Variants in STARD13 observed in about 807,000 individuals in gnomAD.
STARD13 encodes StAR related lipid transfer domain containing 13.
STARD13 carries 62 observed loss-of-function variants against 106.4 expected under a neutral mutation model. The observed-to-expected ratio is 0.58, with a 90% CI of 0.48 to 0.72. STARD13 has a LOEUF of 0.72. STARD13 is among the 30% of genes least tolerant of loss of function. STARD13 has a pLI of 0.00. For synonymous variants in STARD13, 565 were observed against 553.0 expected (o/e 1.02, Z -0.31); for missense variants, 1,387 against 1,424.0 (o/e 0.97, Z 0.42).
intron 1 of STARD13, among the ~76,000 whole-genome samples, chr13:33,300,299 G>C (rs545077005): frequency 6.6e-6 from 1 of 152,288 alleles, no homozygotes; most frequent in African/African-American, 2.4e-5. Context: ...TGCAGGTTTT[G>C]ACCAAAAATA....
chr13:33,645,342 C>T, the STARD13 span, among the ~76,000 whole-genome samples: 1 of 152,164 alleles, frequency 6.6e-6, no homozygotes, highest in Non-Finnish European at 1.5e-5. Flanking sequence ...ATCAGTGAGG[C>T]CATCTTAGAC....
At chr13:33,366,058 G>T in the STARD13 span, among the ~76,000 whole-genome samples, 1 of 151,214 alleles carries the variant, frequency 6.6e-6, no homozygotes, top group African/African-American at 2.4e-5. The surrounding 1 kb of genome is among the most constrained non-coding windows in gnomAD (Gnocchi z 4.2). Flanking sequence ...CACTAAAAGT[G>T]ATATATATAT....
chr13:33,522,766 C>T, the STARD13 span, among the ~76,000 whole-genome samples: 4 of 152,160 alleles, frequency 2.6e-5, no homozygotes. Context: ...ACTGGTTTTG[C>T]CCCCTTGGGC....
At chr13:33,672,417 A>G in the STARD13 span, among the ~76,000 whole-genome samples, 5 of 152,174 alleles carry the variant, frequency 3.3e-5, no homozygotes, top group Admixed American at 1.3e-4. Context: ...TAATGCATGC[A>G]GGGCTTAAAA....
chr13:33,241,724 T>G (rs1425959247), intron 1 of STARD13, among the ~76,000 whole-genome samples: 1 of 152,020 alleles, frequency 6.6e-6, no homozygotes, highest in Non-Finnish European at 1.5e-5. Context: ...TATTTTTTGG[T>G]GGAGATGGGG....
chr13:33,353,508 C>G (rs887902004), upstream of STARD13, among the ~76,000 whole-genome samples: 2 of 152,172 alleles, frequency 1.3e-5, no homozygotes, highest in Non-Finnish European at 2.9e-5. Flanking sequence ...TAAGGCCTGA[C>G]AGGCTATAGA....
At chr13:33,669,625 G>A in the STARD13 span, among the ~76,000 whole-genome samples, 1,377 of 142,862 alleles carry the variant, frequency 9.6e-3, 25 homozygotes, top group African/African-American at 0.035. Flanking sequence ...AACCTCTGCC[G>A]CCTGGGTTCA....
At chr13:33,347,929 T>A (rs1411679866), downstream of STARD13, among the ~76,000 whole-genome samples, 1 of 152,236 alleles carries the variant, frequency 6.6e-6, no homozygotes, top group Non-Finnish European at 1.5e-5. Flanking sequence ...TTTCAGTGTC[T>A]CATGGCCAAA....
intron 4 of STARD13, among the ~76,000 whole-genome samples, chr13:33,135,951 A>G (rs1878995408): frequency 6.6e-6 from 1 of 152,126 alleles, no homozygotes; most frequent in African/African-American, 2.4e-5. Flanking sequence ...GGTGAAACCC[A>G]TCACTACTAA....
chr13:33,347,994 A>G (rs2078034744), downstream of STARD13, among the ~76,000 whole-genome samples: 1 of 152,218 alleles, frequency 6.6e-6, no homozygotes, highest in Admixed American at 6.5e-5. Flanking sequence ...ATTTGCATCT[A>G]AAAGCGCCTT....
the STARD13 span, among the ~76,000 whole-genome samples, chr13:33,608,240 A>G: frequency 6.6e-6 from 1 of 152,192 alleles, no homozygotes. Context: ...TGCAAGAAGA[A>G]CTTATTGAGA....
chr13:33,347,020 A>G (rs7339137), downstream of STARD13, among the ~76,000 whole-genome samples: 29,483 of 152,180 alleles, frequency 0.19, 3,367 homozygotes, highest in African/African-American at 0.31. Context: ...GGCAAGTTAA[A>G]GAAGTTCCAG....
chr13:33,674,090 C>G, the STARD13 span, among the ~76,000 whole-genome samples: 1 of 151,896 alleles, frequency 6.6e-6, no homozygotes, highest in Non-Finnish European at 1.5e-5. Flanking sequence ...CAACTCCTGA[C>G]CTCAGATGAT....
the STARD13 span, among the ~76,000 whole-genome samples, chr13:33,529,610 A>G: frequency 3.9e-5 from 6 of 152,208 alleles, no homozygotes; most frequent in African/African-American, 1.4e-4. Flanking sequence ...AGAAAGGGTC[A>G]TATAGACAGA....
At chr13:33,338,839 C>T (rs1044122935) in intron 1 of STARD13, among the ~76,000 whole-genome samples, 19 of 140,656 alleles carry the variant, frequency 1.4e-4, no homozygotes, top group Admixed American at 1.1e-3. Flanking sequence ...GAGCTGAGAT[C>T]GCGGCACTGC....
chr13:33,439,681 G>T, the STARD13 span: 1 of 1,259,990 alleles, frequency 7.9e-7, no homozygotes, highest in Admixed American at 2.3e-5. Context: ...ATTTTCTCAG[G>T]GAGACTTACC....
At chr13:33,635,886 A>T in the STARD13 span, among the ~76,000 whole-genome samples, 3 of 151,828 alleles carry the variant, frequency 2.0e-5, no homozygotes, top group Non-Finnish European at 2.9e-5. Flanking sequence ...TGGGAGACTG[A>T]GGCAGGAGAA....
At chr13:33,401,357 A>G in the STARD13 span, among the ~76,000 whole-genome samples, 3 of 152,134 alleles carry the variant, frequency 2.0e-5, no homozygotes, top group African/African-American at 7.2e-5. Context: ...CTACTTGACT[A>G]TTGGCCCCAG....
chr13:33,316,549 TA>T (rs1293605894), intron 1 of STARD13, among the ~76,000 whole-genome samples: 1 of 152,204 alleles, frequency 6.6e-6, no homozygotes, highest in Non-Finnish European at 1.5e-5. Context: ...CTCTATTTTA[TA>T]AATGTGGGAA....
Sources: allele counts gnomAD v4.1 joint callset (sites outside exome capture counted in the v4.1 genomes callset), GRCh38; gene constraint gnomAD v4.1.1; non-coding constraint Gnocchi (gnomAD v3.1); transcripts MANE v1.5; gene names NCBI Gene and HGNC (gene_info 2026-07-23, HGNC 2026-07-21).